The following ELOVL2 variants were observed in gnomAD, a reference collection of about 807,000 sequenced individuals.
The protein encoded by ELOVL2 is very long chain fatty acid elongase 2.
ELOVL2 carries 38 observed loss-of-function variants against 37.7 expected under a neutral mutation model. The observed-to-expected ratio is 1.01, with a 90% CI of 0.78 to 1.32. The LOEUF is 1.32. ELOVL2 is among the 40% of genes most tolerant of loss of function. ELOVL2 has a pLI of 0.00. For synonymous variants in ELOVL2, 115 were observed against 122.3 expected, an observed-to-expected ratio of 0.94 and a Z score of 0.40; for missense variants, 352 against 363.6, an observed-to-expected ratio of 0.97 and a Z score of 0.26.
In ELOVL2 at chr6:10,983,776, C is replaced by T. The variant is rs1227067018; in HGVS notation, c.*5G>A. On this transcript the variant is annotated 3_prime_UTR_variant, in exon 8 of 8. Transcript: ENST00000354666. ...TAGTATATGTGCTTTTTCTGTTACTCATTTTTATTGTGCTTTCTTGTTCAT... is the reference window on the plus strand; with the variant it reads ...TAGTATATGTGCTTTTTCTGTTACTTATTTTTATTGTGCTTTCTTGTTCAT... 7.5e-6 allele frequency: 12 copies of T among 1,599,210 alleles called. No homozygotes were observed. Among genetic ancestry groups the T allele is most frequent in the African/African-American group, 1.4e-5 (1 of 73,868 alleles).
At position 10,990,404 on chromosome 6, in the gene ELOVL2, G is replaced by A; in HGVS notation, c.544C>T (p.Leu182Phe). The A allele has an allele frequency of 1.2e-6, 2 of 1,611,114 alleles. No homozygotes were observed. The highest frequency in any genetic ancestry group is 1.7e-6 in the Non-Finnish European group (2 of 1,178,966). The change falls in exon 6 of 8, where the codon CTT (leucine) becomes TTT (phenylalanine). Residue 182 changes from leucine to phenylalanine, a missense_variant. Transcript: ENST00000354666. The part of the protein sequence containing the change: ...GPTLNSFIHI[L>F]MYSYYGLSVF... ...GAAAGTCCATAGTAGGAGTACATAA[G>A]AATGTGGATAAAACTGTTCAGTGTT...
intron 1 of ELOVL2, among the ~76,000 whole-genome samples, chr6:11,025,089 C>T (rs1042118286): frequency 6.6e-6 from 1 of 152,060 alleles, no homozygotes; most frequent in East Asian, 1.9e-4. Flanking sequence ...GTAGGGGCAA[C>T]GGCGTAATCT....
intron 1 of ELOVL2, among the ~76,000 whole-genome samples, chr6:11,012,483 A>G (rs1408728914): frequency 3.3e-5 from 5 of 152,264 alleles, no homozygotes; most frequent in African/African-American, 9.6e-5. Flanking sequence ...TGTACTCACC[A>G]TCATAACAAA....
chr6:11,021,261 T>C (rs1472531657), intron 1 of ELOVL2, among the ~76,000 whole-genome samples: 1 of 152,224 alleles, frequency 6.6e-6, no homozygotes, highest in African/African-American at 2.4e-5. Context: ...TGGATATGCC[T>C]CCTAACTCTG....
At chr6:11,014,384 C>T (rs1408752051) in intron 1 of ELOVL2, among the ~76,000 whole-genome samples, 6 of 150,508 alleles carry the variant, frequency 4.0e-5, no homozygotes, top group Non-Finnish European at 7.4e-5. Flanking sequence ...AAGGCTGAGG[C>T]GGGAGAATCA....
At chr6:11,024,589 T>C (rs1782813637) in intron 1 of ELOVL2, among the ~76,000 whole-genome samples, 2 of 152,184 alleles carry the variant, frequency 1.3e-5, no homozygotes, top group African/African-American at 2.4e-5. Context: ...AAAGAGACAA[T>C]GATAATGAGT....
At chr6:11,033,524 A>T (rs1438042774) in intron 1 of ELOVL2, among the ~76,000 whole-genome samples, 6 of 152,208 alleles carry the variant, frequency 3.9e-5, no homozygotes, top group Non-Finnish European at 7.3e-5. Context: ...GCTAAGGTTT[A>T]ATCTGATTAT....
intron 3 of ELOVL2, 42 bp from the exon 4 acceptor site, chr6:11,000,206 C>G (rs756126544): frequency 6.4e-7 from 1 of 1,570,786 alleles, no homozygotes; most frequent in Non-Finnish European, 8.8e-7. Context: ...AACATCAGCA[C>G]AAGAATTTGG....
At chr6:10,990,543 TAGCAC>T in intron 5 of ELOVL2, 101 bp from the exon 6 acceptor site, 1 of 1,139,844 alleles carries the variant, frequency 8.8e-7, no homozygotes, top group South Asian at 1.8e-5. Flanking sequence ...TGAAAATGAG[TAGCAC>T]ATATGACATG....
At chr6:11,001,486 A>G (rs1174069318) in intron 3 of ELOVL2, among the ~76,000 whole-genome samples, 4 of 152,098 alleles carry the variant, frequency 2.6e-5, no homozygotes, top group African/African-American at 7.2e-5. Context: ...GTGTTCGTGC[A>G]TTTTTTCAAA....
intron 5 of ELOVL2, 100 bp from the exon 6 acceptor site, chr6:10,990,542 G>A (rs1240358080): frequency 7.0e-6 from 8 of 1,146,954 alleles, no homozygotes; most frequent in African/African-American, 1.6e-5. Flanking sequence ...TTGAAAATGA[G>A]TAGCACATAT....
At chr6:10,996,385 T>C (rs1158583444) in intron 4 of ELOVL2, among the ~76,000 whole-genome samples, 4 of 152,222 alleles carry the variant, frequency 2.6e-5, no homozygotes, top group Non-Finnish European at 5.9e-5. Context: ...TCTTACTTTA[T>C]TTGTATTGCA....
At chr6:11,019,843 A>G (rs541561675) in intron 1 of ELOVL2, among the ~76,000 whole-genome samples, 2 of 150,880 alleles carry the variant, frequency 1.3e-5, no homozygotes, top group Admixed American at 6.6e-5. Flanking sequence ...TCCTGCATTC[A>G]AGTGATTCTC....
chr6:10,990,918 A>T (rs1782148021), intron 5 of ELOVL2, among the ~76,000 whole-genome samples: 1 of 152,252 alleles, frequency 6.6e-6, no homozygotes, highest in Admixed American at 6.5e-5. Context: ...TTAAGTAAAT[A>T]AATTCTGCCT....
At position 11,019,766 on chromosome 6, in the gene ELOVL2, TAG is replaced by T. The variant is rs1266974196; in HGVS notation, c.4-8959_4-8958del. Among the ~76,000 whole-genome samples the T allele has an allele frequency of 1.1e-4, 17 of 150,382 alleles. No individual in the cohort carries two copies. The South Asian group carries it at 1.5e-3, about 13-fold the overall frequency. ...TTGTTGTTGTTGTTTGTTTTTTTGA[TAG>T]AGTCTCACTTCTTTGCCCAGGCTGG... is the stretch of plus-strand genomic sequence containing the variant. On this transcript the variant is annotated intron_variant, in intron 1 of 7. Transcript: ENST00000354666.
At chr6:11,013,230 G>A (rs1323994891) in intron 1 of ELOVL2, among the ~76,000 whole-genome samples, 2 of 152,208 alleles carry the variant, frequency 1.3e-5, no homozygotes, top group African/African-American at 2.4e-5. Flanking sequence ...TTATTTCTGG[G>A]TTACTTAATA....
At position 10,990,996 on chromosome 6, in the gene ELOVL2, G is replaced by C. The variant is rs944373498; in HGVS notation, c.506-554C>G. Among the ~76,000 whole-genome samples the C allele has an allele frequency of 3.7e-4, 56 of 152,316 alleles. 1 individual carries two copies. The highest frequency in any genetic ancestry group is 1.3e-3 in the African/African-American group (56 of 41,562). On this transcript the variant is annotated intron_variant, in intron 5 of 7. Coordinates refer to ENST00000354666, the MANE Select transcript of ELOVL2 (RefSeq NM_017770.4). ...GGAGACAGAGAAGGCTGGAGTGGCG[G>C]AGAAACTGGCCAGCGAGACCTTCCC...
At chr6:11,000,054 T>A in intron 4 of ELOVL2, 33 bp downstream of exon 4, 1 of 1,597,608 alleles carries the variant, frequency 6.3e-7, no homozygotes, top group Non-Finnish European at 8.6e-7. Flanking sequence ...TGGGAACTGG[T>A]TATAGTTGGT....
At chr6:11,010,859 G>GA (rs754802427) in intron 1 of ELOVL2, 50 bp from the exon 2 acceptor site, 4 of 1,459,868 alleles carry the variant, frequency 2.7e-6, no homozygotes, top group East Asian at 4.6e-5. Context: ...TTCTTTTTTT[G>GA]AAACGGTCAA....
Sources: gnomAD v4.1 joint callset for allele counts (sites outside exome capture counted in the v4.1 genomes callset) on GRCh38, gnomAD v4.1.1 for gene constraint, MANE v1.5 for transcripts, NCBI Gene and HGNC (gene_info 2026-07-23, HGNC 2026-07-21) for gene names.